Variants in PATL2 observed in about 807,000 individuals in gnomAD.
PATL2 encodes protein PAT1 homolog 2.
PATL2 carries 73 observed loss-of-function variants against 77.0 expected under a neutral mutation model. The observed-to-expected ratio is 0.95, with a 90% CI of 0.78 to 1.15. The LOEUF is 1.15. Ranked by LOEUF, PATL2 falls within the 50% of genes most tolerant of loss-of-function variation. The pLI is 0.00. For missense variants in PATL2, 618 were observed against 655.4 expected, an observed-to-expected ratio of 0.94 and a Z score of 0.62; for synonymous variants, 265 against 257.1, an observed-to-expected ratio of 1.03 and a Z score of -0.29.
chr15:44,704,331 T>C (rs528442988), intron 3 of PATL2, among the ~76,000 whole-genome samples: 1 of 152,270 alleles, frequency 6.6e-6, no homozygotes, highest in South Asian at 2.1e-4. Context: ...TGTATGCTTT[T>C]TTATTTCAGG....
chr15:44,681,258 G>T (rs768441160), intron 3 of PATL2, among the ~76,000 whole-genome samples: 54 of 152,038 alleles, frequency 3.6e-4, no homozygotes, highest in Admixed American at 4.6e-4. Flanking sequence ...GGCTCAAGTC[G>T]TCCTCCCACC....
chr15:44,669,266 C>A lies in PATL2; in HGVS notation c.1064+14G>T. 6.5e-7 allele frequency: 1 copy of A among 1,540,912 alleles called. No homozygotes were observed. The highest frequency in any genetic ancestry group is 8.8e-7 in the Non-Finnish European group (1 of 1,138,424). On this transcript the variant is annotated intron_variant, in intron 13 of 17. Coordinates refer to ENST00000682850, the MANE Select transcript of PATL2 (RefSeq NM_001387263.1). ...TTCCCTTCCTGGGCTGAGGTGGAAC[C>A]CTCCCACACTCACTCCAGGTTGTTC...
intron 3 of PATL2, among the ~76,000 whole-genome samples, chr15:44,704,838 CTTTATTTCTCCTTCATATTTTCAAGGATA>C (rs2086699100): frequency 6.6e-6 from 1 of 152,102 alleles, no homozygotes; most frequent in South Asian, 2.1e-4. Flanking sequence ...CTAGGAAAGT[CTTTATTTCTCCTTCATATTTTCAAGGATA>C]TTTATTTCTC....
chr15:44,692,960 A>G (rs2141249132), intron 3 of PATL2, among the ~76,000 whole-genome samples: 1 of 152,350 alleles, frequency 6.6e-6, no homozygotes, highest in South Asian at 2.1e-4. Context: ...GGGGAAGACC[A>G]GGGCTCCTGA....
intron 3 of PATL2, among the ~76,000 whole-genome samples, chr15:44,690,054 T>G (rs1342639355): frequency 6.6e-6 from 1 of 152,128 alleles, no homozygotes; most frequent in South Asian, 2.1e-4. Context: ...CCAGGCATGG[T>G]GGCACATGCC....
At chr15:44,675,753 G>T in intron 4 of PATL2, 62 bp from the exon 5 acceptor site, 1 of 1,397,780 alleles carries the variant, frequency 7.2e-7, no homozygotes, top group Non-Finnish European at 9.6e-7. Flanking sequence ...GTCTTGTCTA[G>T]AGAGGCTGCT....
At chr15:44,709,085 G>C (rs2086798262) in intron 3 of PATL2, among the ~76,000 whole-genome samples, 1 of 152,064 alleles carries the variant, frequency 6.6e-6, no homozygotes, top group African/African-American at 2.4e-5. Flanking sequence ...TTTTAGTAGA[G>C]ACAGGGTTTC....
At chr15:44,672,612 A>G (rs1278215802) in intron 7 of PATL2, among the ~76,000 whole-genome samples, 156 bp from the exon 8 acceptor site, 2 of 152,322 alleles carry the variant, frequency 1.3e-5, no homozygotes, top group South Asian at 2.1e-4. Context: ...TCATAGTCCT[A>G]GACCCACAGG....
At chr15:44,666,093 T>A (rs891957243) in intron 17 of PATL2, 122 bp from the exon 18 acceptor site, 36 of 954,892 alleles carry the variant, frequency 3.8e-5, no homozygotes, top group Non-Finnish European at 5.1e-5. Flanking sequence ...ATGTTATTCA[T>A]GCTTATATCC....
In PATL2 at chr15:44,676,786, G is replaced by C. The variant is rs376662320; in HGVS notation, c.-75-221C>G. 2.9e-5 allele frequency: 36 copies of C among 1,223,738 alleles called. No individual in the cohort carries two copies. The East Asian group carries it at 1.4e-3, about 46-fold the overall frequency. The allele number at this position is 1,223,738 out of a possible 1,614,324, so 75.8% of individuals were successfully genotyped here. On this transcript the variant is annotated intron_variant, in intron 3 of 17. Coordinates refer to ENST00000682850, the MANE Select transcript of PATL2 (RefSeq NM_001387263.1). ...AGGGACAGAAATGAGGCACAGGCTAGAAGCAGGAAGAGAAGTACTTCCCAA... is the reference window on the plus strand; with the variant it reads ...AGGGACAGAAATGAGGCACAGGCTACAAGCAGGAAGAGAAGTACTTCCCAA...
At chr15:44,688,756 C>T (rs1279347715) in intron 3 of PATL2, among the ~76,000 whole-genome samples, 1 of 152,104 alleles carries the variant, frequency 6.6e-6, no homozygotes, top group Non-Finnish European at 1.5e-5. Context: ...ACCATAAAAA[C>T]CCCAGAAGAA....
At position 44,669,085 on chromosome 15, in the gene PATL2, C is replaced by T. The variant is rs1566848702; in HGVS notation, c.1119G>A (p.Leu373=). ...GCAGGAAGGGGAGCAGCCGGGCCAC[C>T]AGGGCCTTCCCCTTCCTCACAGAGA... ...QVLSVRKGKA[L]VARLLPFLPQ... Residue 373 remains leucine, a synonymous_variant, in exon 14 of 18, where the codon CTG becomes CTA. Coordinates refer to ENST00000682850, the MANE Select transcript of PATL2 (RefSeq NM_001387263.1). The T allele has an allele frequency of 6.4e-7, 1 of 1,550,710 alleles. No homozygotes were observed. Among genetic ancestry groups the T allele is most frequent in the Non-Finnish European group, 8.7e-7 (1 of 1,146,458 alleles).
At chr15:44,689,832 C>G (rs1325660431) in intron 3 of PATL2, among the ~76,000 whole-genome samples, 1 of 152,120 alleles carries the variant, frequency 6.6e-6, no homozygotes, top group Admixed American at 6.6e-5. Context: ...GCATGTTCTG[C>G]ACATGTACCC....
rs2086831792 is a variant in PATL2, at chr15:44,710,409, T to C, written c.-194-195A>G. On this transcript the variant is annotated intron_variant, in intron 2 of 17. Coordinates refer to ENST00000682850, the MANE Select transcript of PATL2 (RefSeq NM_001387263.1). ...ACCACCACGAAATGGCGGCACCTTATTTATGGTCACTTTAGAGGGTAGGTT... is the reference window on the plus strand; with the variant it reads ...ACCACCACGAAATGGCGGCACCTTACTTATGGTCACTTTAGAGGGTAGGTT... 4.6e-5 allele frequency among the ~76,000 whole-genome samples: 7 copies of C among 152,154 alleles called. No individual in the cohort carries two copies. In the South Asian group the frequency reaches 1.2e-3, roughly 27 times the overall value.
At chr15:44,666,936 A>C (rs1273115071) in intron 16 of PATL2, 170 bp downstream of exon 16, 3 of 603,408 alleles carry the variant, frequency 5.0e-6, no homozygotes, top group Non-Finnish European at 2.9e-6. Context: ...GAAGAAACCG[A>C]AACTCTAGGG....
Position 44,675,281 on chromosome 15 carries a change from C to T in PATL2, c.222+205G>A, listed in dbSNP as rs147080508. The T allele has an allele frequency of 1.7e-3, 1,041 of 619,534 alleles. 9 individuals are homozygous for T. In the African/African-American group the frequency reaches 0.018, roughly 10 times the overall value. 38.4% of individuals were successfully genotyped at this position (619,534 alleles called of 1,614,324 possible). On this transcript the variant is annotated intron_variant, in intron 5 of 17. Transcript: ENST00000682850. ...GCTCTGCTAGGACCTGGTTTTAAGG[C>T]GAGAACAGCATCAGAAATGAAGTGG...
chr15:44,705,732 CTT>C (rs1421614518), intron 3 of PATL2, among the ~76,000 whole-genome samples: 7 of 149,788 alleles, frequency 4.7e-5, no homozygotes, highest in Non-Finnish European at 1.0e-4. Context: ...ATTTTAATCT[CTT>C]TGTTAAAGTT....
chr15:44,676,903 A>G, intron 3 of PATL2: 1 of 1,044,648 alleles, frequency 9.6e-7, no homozygotes. Flanking sequence ...TAAGTTATTC[A>G]TAGCAGCCTG....
chr15:44,674,141 C>A lies in PATL2; in HGVS notation c.303+9G>T. The A allele has an allele frequency of 6.5e-7, 1 of 1,541,356 alleles. No individual in the cohort carries two copies. ...ACTACCCACAGTATGGAGACTGCAG[C>A]AGACTCACCTGCCACAGAAAATGCA... On this transcript the variant is annotated intron_variant, in intron 6 of 17. Transcript: ENST00000682850.
Sources: gnomAD v4.1 joint callset for allele counts (sites outside exome capture counted in the v4.1 genomes callset) on GRCh38, gnomAD v4.1.1 for gene constraint, MANE v1.5 for transcripts, NCBI Gene and HGNC (gene_info 2026-07-23, HGNC 2026-07-21) for gene names.